NAV2: variants seen among roughly 807,000 people sequenced by gnomAD.
The protein encoded by NAV2 is helicase, APC down-regulated 1.
NAV2 carries 54 observed loss-of-function variants against 223.2 expected under a neutral mutation model. The observed-to-expected ratio is 0.24, with a 90% confidence interval of 0.19 to 0.30. The LOEUF (loss-of-function observed/expected upper bound fraction) is 0.30. Among genes scored for constraint, NAV2 ranks in the 10% least tolerant of loss-of-function variants. The pLI is 1.00. For synonymous variants in NAV2, 1,279 were observed against 1,239.3 expected, an observed-to-expected ratio of 1.03 and a Z score of -0.67; for missense variants, 2,806 against 3,147.5, an observed-to-expected ratio of 0.89 and a Z score of 2.60.
At chr11:19,435,121 A>G (rs897106755) in intron 1 of NAV2, among the ~76,000 whole-genome samples, 9 of 152,238 alleles carry the variant, frequency 5.9e-5, no homozygotes, top group South Asian at 4.1e-4. Flanking sequence ...CTCTTTTTAA[A>G]CTATTTTGAA....
At chr11:20,073,460 A>T (rs916364866) in intron 22 of NAV2, among the ~76,000 whole-genome samples, 1 of 152,250 alleles carries the variant, frequency 6.6e-6, no homozygotes, top group East Asian at 1.9e-4. Context: ...AAAATGAGCC[A>T]GGGAGGATTC....
chr11:19,658,695 T>C (rs2048191886), intron 1 of NAV2, among the ~76,000 whole-genome samples: 1 of 152,188 alleles, frequency 6.6e-6, no homozygotes, highest in Admixed American at 6.5e-5. Context: ...GAGAACTAAT[T>C]GCTTGTGTCT....
chr11:19,364,842 T>C (rs921737396), intron 1 of NAV2, among the ~76,000 whole-genome samples: 8 of 152,238 alleles, frequency 5.3e-5, no homozygotes, highest in African/African-American at 1.9e-4. Context: ...TTCTTTTAGT[T>C]AGAGAACTTT....
intron 1 of NAV2, among the ~76,000 whole-genome samples, chr11:19,596,943 T>C (rs1162246062): frequency 6.6e-6 from 1 of 152,232 alleles, no homozygotes; most frequent in Non-Finnish European, 1.5e-5. Flanking sequence ...CAGAATGTTT[T>C]GGTAGCTAAA....
chr11:20,065,051 T>A (rs958588446), intron 20 of NAV2, among the ~76,000 whole-genome samples: 1 of 152,170 alleles, frequency 6.6e-6, no homozygotes, highest in Non-Finnish European at 1.5e-5. Context: ...AAATAGCCTA[T>A]CAGTGGAATG....
chr11:19,634,578 C>A (rs537017577), intron 1 of NAV2, among the ~76,000 whole-genome samples: 2 of 152,132 alleles, frequency 1.3e-5, no homozygotes, highest in African/African-American at 4.8e-5. Context: ...TCCATTCATT[C>A]GTTCCTTCAA....
Position 20,077,827 on chromosome 11 carries a change from A to G in NAV2, c.5068-166A>G, listed in dbSNP as rs552197149. 5.3e-5 allele frequency among the ~76,000 whole-genome samples: 8 copies of G among 152,332 alleles called. No individual in the cohort carries two copies. The South Asian group carries it at 1.5e-3, about 28-fold the overall frequency. On this transcript the variant is annotated intron_variant, in intron 23 of 37. Transcript: ENST00000349880. ...TAATGGCATCAATGATAGATCTTGT[A>G]GTTATAATCCTACTTTTATGTGTTT...
rs186301595 is a variant in NAV2 at position 19,453,929 on chromosome 11, A to G, written c.75+102902A>G. 1.6e-3 allele frequency among the ~76,000 whole-genome samples: 247 copies of G among 152,188 alleles called. 1 individual carries two copies. Among genetic ancestry groups the G allele is most frequent in the African/African-American group, 5.5e-3 (227 of 41,526 alleles). The stretch of plus-strand genomic sequence containing the variant: ...CTTTATGTTGGGGGAGGCCATTACG[A>G]TCATTTTTCCTTATTAATTGCCCAT... On this transcript the variant is annotated intron_variant, in intron 1 of 37. Transcript: ENST00000360655.
chr11:19,838,547 C>T (rs2060351223), intron 2 of NAV2, among the ~76,000 whole-genome samples: 1 of 152,074 alleles, frequency 6.6e-6, no homozygotes, highest in East Asian at 1.9e-4. Flanking sequence ...AGAACAAGGG[C>T]CAGTGGTTGA....
intron 10 of NAV2, among the ~76,000 whole-genome samples, chr11:19,982,050 G>A (rs546731317): frequency 6.6e-6 from 1 of 152,152 alleles, no homozygotes; most frequent in Non-Finnish European, 1.5e-5. Flanking sequence ...AAGCTCATGG[G>A]ATATAGATTT....
At chr11:20,049,379 T>G (rs1396048624) in intron 15 of NAV2, 184 bp downstream of exon 15, 1 of 587,512 alleles carries the variant, frequency 1.7e-6, no homozygotes, top group African/African-American at 1.9e-5. Context: ...CTCCCTGTTA[T>G]CTTTTCCTCT....
In NAV2 at chr11:20,106,175, A is replaced by ATATGTGTGTGTGTG. The variant is rs11267537; in HGVS notation, c.6841+449_6841+450insATGTGTGTGTGTGT. Reference sequence around the variant, plus strand: ...TGTGTGTATATATATATATATATATATGTGTGTGTATATATATATATATAT... The same window carrying ATATGTGTGTGTGTG: ...TGTGTGTATATATATATATATATATATATGTGTGTGTGTGTGTGTGTGTATATATATATATATAT... On this transcript the variant is annotated intron_variant, in intron 35 of 37. Transcript: ENST00000349880. 8.0e-3 allele frequency among the ~76,000 whole-genome samples: 287 copies of ATATGTGTGTGTGTG among 35,824 alleles called. 32 individuals carry two copies. Among genetic ancestry groups the ATATGTGTGTGTGTG allele is most frequent in the Admixed American group, 0.013 (35 of 2,710 alleles). The allele number at this position is 35,824 out of a possible 152,430, so 23.5% of individuals were successfully genotyped here. A position where few individuals can be genotyped will look rare whatever the true frequency, so the allele number is the denominator to read the frequency against.
intron 1 of NAV2, among the ~76,000 whole-genome samples, chr11:19,733,301 A>AT (rs373287761): frequency 6.6e-6 from 1 of 152,182 alleles, no homozygotes; most frequent in African/African-American, 2.4e-5. Context: ...TCTTAGACCC[A>AT]TTTTTCAAAT....
At chr11:19,925,483 G>C (rs2044662942) in intron 6 of NAV2, among the ~76,000 whole-genome samples, 1 of 152,194 alleles carries the variant, frequency 6.6e-6, no homozygotes. Flanking sequence ...GGGTGTGGTG[G>C]CTTACGCCTG....
At chr11:19,663,349 C>T (rs2048336835) in intron 1 of NAV2, among the ~76,000 whole-genome samples, 1 of 152,170 alleles carries the variant, frequency 6.6e-6, no homozygotes, top group East Asian at 1.9e-4. Flanking sequence ...TCTGATTTTA[C>T]TGTCCCCACA....
intron 1 of NAV2, among the ~76,000 whole-genome samples, chr11:19,813,459 T>G (rs2152819220): frequency 6.6e-6 from 1 of 152,338 alleles, no homozygotes; most frequent in Admixed American, 6.5e-5. Flanking sequence ...TTATTTCCCC[T>G]GAGTGTGTCA....
chr11:19,419,362 G>A (rs1466208132), intron 1 of NAV2, among the ~76,000 whole-genome samples: 1 of 152,166 alleles, frequency 6.6e-6, no homozygotes, highest in Non-Finnish European at 1.5e-5. Flanking sequence ...TAGGAAACAT[G>A]TCTGATATGG....
At chr11:19,531,145 G>A (rs138431580) in intron 1 of NAV2, among the ~76,000 whole-genome samples, 1,762 of 152,330 alleles carry the variant, frequency 0.012, 38 homozygotes, top group Middle Eastern at 0.034. Context: ...CTATGCTAGA[G>A]AGTAGGGATT....
intron 5 of NAV2, among the ~76,000 whole-genome samples, chr11:19,890,329 T>C (rs1437075699): frequency 6.6e-6 from 1 of 152,210 alleles, no homozygotes; most frequent in Admixed American, 6.5e-5. Flanking sequence ...TTTCCCATCC[T>C]ATGCTTTGAT....
Sources: allele counts gnomAD v4.1 joint callset (sites outside exome capture counted in the v4.1 genomes callset), GRCh38; gene constraint gnomAD v4.1.1; transcripts MANE v1.5; gene names NCBI Gene and HGNC (gene_info 2026-07-23, HGNC 2026-07-21).